The following PARD3 variants were observed in gnomAD, a reference collection of about 807,000 sequenced individuals.
PARD3 encodes partitioning defective 3 homolog.
Under a neutral mutation model 155.4 loss-of-function variants are expected in PARD3, and 75 were observed. The ratio of observed to expected loss-of-function variants is 0.48; its 90% CI spans 0.40 to 0.58. The LOEUF (loss-of-function observed/expected upper bound fraction) is 0.58. Ranked by LOEUF, PARD3 falls within the 20% of genes least tolerant of loss-of-function variation. The pLI is 0.00. For missense variants in PARD3, 1,642 were observed against 1,721.7 expected (o/e 0.95, Z 0.82); for synonymous variants, 576 against 610.5 (o/e 0.94, Z 0.83).
At chr10:34,680,991 A>G (rs1362819858) in intron 2 of PARD3, among the ~76,000 whole-genome samples, 2 of 152,084 alleles carry the variant, frequency 1.3e-5, no homozygotes, top group African/African-American at 2.4e-5. Flanking sequence ...TAATAAAAAA[A>G]AAAAAAGAAG....
intron 1 of PARD3, among the ~76,000 whole-genome samples, chr10:34,702,979 G>T (rs1412850152): frequency 6.6e-6 from 1 of 152,188 alleles, no homozygotes; most frequent in Admixed American, 6.5e-5. Context: ...CCTGAGAGAG[G>T]TCAGATGGTG....
chr10:34,556,662 G>GT (rs1193777754), intron 2 of PARD3, among the ~76,000 whole-genome samples: 3 of 152,114 alleles, frequency 2.0e-5, no homozygotes, highest in Admixed American at 1.3e-4. Flanking sequence ...GACTACAAGC[G>GT]TGAGTCACCA....
intron 22 of PARD3, among the ~76,000 whole-genome samples, chr10:34,197,635 T>C (rs948711702): frequency 6.6e-6 from 1 of 152,238 alleles, no homozygotes; most frequent in Non-Finnish European, 1.5e-5. Context: ...CAGGTTACCT[T>C]AAAGTATTTT....
At chr10:34,553,000 A>T (rs1415010604) in intron 2 of PARD3, among the ~76,000 whole-genome samples, 2 of 152,220 alleles carry the variant, frequency 1.3e-5, no homozygotes, top group African/African-American at 4.8e-5. Flanking sequence ...AGCCACTTCA[A>T]ATACTCAAAT....
chr10:34,410,959 G>T (rs1314196827), intron 5 of PARD3, among the ~76,000 whole-genome samples: 1 of 152,182 alleles, frequency 6.6e-6, no homozygotes, highest in Admixed American at 6.5e-5. Context: ...GGAGTAAGGA[G>T]AACTGAACCA....
chr10:34,582,648 A>G (rs187198443), intron 2 of PARD3, among the ~76,000 whole-genome samples: 141 of 152,360 alleles, frequency 9.3e-4, no homozygotes, highest in Non-Finnish European at 9.0e-4. Context: ...GAACTGAAGC[A>G]TTCTCACTAT....
intron 22 of PARD3, among the ~76,000 whole-genome samples, chr10:34,187,740 C>A (rs552211590): frequency 1.3e-5 from 2 of 152,344 alleles, no homozygotes; most frequent in African/African-American, 4.8e-5. Flanking sequence ...TGTTTTCCAA[C>A]TGAATGGAGA....
At chr10:34,769,863 T>G (rs1289083423) in intron 1 of PARD3, among the ~76,000 whole-genome samples, 1 of 96,588 alleles carries the variant, frequency 1.0e-5, no homozygotes, top group East Asian at 2.5e-4. Flanking sequence ...TTTCTCAAAT[T>G]CATACACACA....
chr10:34,379,455 T>C (rs190007703), intron 9 of PARD3, among the ~76,000 whole-genome samples: 48 of 152,230 alleles, frequency 3.2e-4, no homozygotes, highest in Admixed American at 2.6e-4. Flanking sequence ...TATGAAATGT[T>C]TGTTATTGCT....
intron 23 of PARD3, among the ~76,000 whole-genome samples, chr10:34,125,354 C>T (rs747232747): frequency 5.9e-5 from 9 of 152,256 alleles, no homozygotes; most frequent in East Asian, 1.9e-4. Flanking sequence ...AGTGAGCCAC[C>T]GTGCCCGGCC....
At position 34,516,973 on chromosome 10, in the gene PARD3, A is replaced by G. The variant is rs566068068; in HGVS notation, c.403+6T>C. On this transcript the variant is annotated splice_donor_region_variant and intron_variant, in intron 3 of 24. Transcript: ENST00000374788. ...AAATGGAAGAGAAGAAAGAGCTTTCACTTACTTGCTCGAAGGACTGAAGGT... is the reference window on the plus strand; with the variant it reads ...AAATGGAAGAGAAGAAAGAGCTTTCGCTTACTTGCTCGAAGGACTGAAGGT... 2 of 1,612,208 alleles carry G rather than the reference A, an allele frequency of 1.2e-6. No homozygotes were observed. Among genetic ancestry groups the G allele is most frequent in the Non-Finnish European group, 1.7e-6 (2 of 1,178,512 alleles).
At chr10:34,233,017 A>AT (rs3039283) in intron 22 of PARD3, among the ~76,000 whole-genome samples, 2,781 of 96,094 alleles carry the variant, frequency 0.029, 118 homozygotes, top group Admixed American at 0.059. Context: ...TCAAATGTTA[A>AT]TTTTTTTTTT....
intron 1 of PARD3, among the ~76,000 whole-genome samples, chr10:34,812,722 G>GT (rs1267306596): frequency 1.3e-5 from 2 of 152,112 alleles, no homozygotes; most frequent in Non-Finnish European, 2.9e-5. Flanking sequence ...TAAAGAGCAT[G>GT]TAAGTGTTGG....
chr10:34,111,653 C>T, intron 24 of PARD3, 91 bp from the exon 25 acceptor site: 2 of 1,028,400 alleles, frequency 1.9e-6, no homozygotes, highest in Non-Finnish European at 2.9e-6. Flanking sequence ...TATGCATTTT[C>T]ACTTTTCAAC....
At chr10:34,521,683 T>A (rs1350558831) in intron 2 of PARD3, among the ~76,000 whole-genome samples, 1 of 152,184 alleles carries the variant, frequency 6.6e-6, no homozygotes, top group Non-Finnish European at 1.5e-5. Flanking sequence ...GTCACCCACT[T>A]TCCCCTACCT....
intron 22 of PARD3, among the ~76,000 whole-genome samples, chr10:34,257,307 A>G (rs542531523): frequency 6.6e-6 from 1 of 152,374 alleles, no homozygotes; most frequent in Admixed American, 6.5e-5. Context: ...CTTATGCAGG[A>G]GCAAGGAAGA....
At chr10:34,454,455 C>T (rs2077225418) in intron 4 of PARD3, among the ~76,000 whole-genome samples, 1 of 151,920 alleles carries the variant, frequency 6.6e-6, no homozygotes. Context: ...AAATATGGCA[C>T]TCGTAACCAA....
chr10:34,592,948 T>G (rs1404447463), intron 2 of PARD3, among the ~76,000 whole-genome samples: 1 of 152,182 alleles, frequency 6.6e-6, no homozygotes, highest in Non-Finnish European at 1.5e-5. Flanking sequence ...TTCAATACAT[T>G]ACTGCATGCC....
At chr10:34,220,329 A>C (rs181364873) in intron 22 of PARD3, among the ~76,000 whole-genome samples, 2 of 152,354 alleles carry the variant, frequency 1.3e-5, no homozygotes, top group Admixed American at 1.3e-4. Flanking sequence ...TTGAAAAAGT[A>C]TGTTGTGAAA....
Sources: allele counts gnomAD v4.1 joint callset (sites outside exome capture counted in the v4.1 genomes callset), GRCh38; gene constraint gnomAD v4.1.1; transcripts MANE v1.5; gene names NCBI Gene and HGNC (gene_info 2026-07-23, HGNC 2026-07-21).